The following SNAP91 variants were observed in gnomAD, a reference collection of about 807,000 sequenced individuals.
SNAP91 encodes the protein synaptosome associated protein 91.
Under a neutral mutation model 100.3 loss-of-function variants are expected in SNAP91, and 27 were observed. The observed-to-expected ratio is 0.27, with a 90% CI of 0.20 to 0.37. The LOEUF (loss-of-function observed/expected upper bound fraction) is 0.37. Ranked by LOEUF, SNAP91 falls within the 10% of genes least tolerant of loss-of-function variation. The pLI is 1.00. For synonymous variants in SNAP91, 404 were observed against 398.6 expected, an observed-to-expected ratio of 1.01 and a Z score of -0.16; for missense variants, 986 against 1,123.7, an observed-to-expected ratio of 0.88 and a Z score of 1.75.
intron 18 of SNAP91, 23 bp downstream of exon 18, chr6:83,593,455 C>T (rs1162348078): frequency 7.1e-6 from 11 of 1,547,640 alleles, no homozygotes; most frequent in East Asian, 2.4e-5. Context: ...GGAAAGAGGT[C>T]GACAACAATA....
rs371319163 is a variant in SNAP91 at position 83,556,143 on chromosome 6, C to T, written c.*10G>A. The T allele has an allele frequency of 6.6e-7, 1 of 1,523,648 alleles. No individual in the cohort carries two copies. The highest frequency in any genetic ancestry group is 8.9e-7 in the Non-Finnish European group (1 of 1,121,040). The allele number at this position is 1,523,648 out of a possible 1,614,324, so 94.4% of individuals were successfully genotyped here. ...ACAGGAAAAGCTCAATATTAGATAC[C>T]TTAAATTGTTTACAAGAAATCCTTG... On this transcript the variant is annotated splice_region_variant and 3_prime_UTR_variant, in exon 29 of 30. Coordinates refer to ENST00000369694, the MANE Select transcript of SNAP91 (RefSeq NM_001242792.2).
At chr6:83,698,414 C>T (rs965275713) in intron 2 of SNAP91, among the ~76,000 whole-genome samples, 1 of 151,594 alleles carries the variant, frequency 6.6e-6, no homozygotes, top group Non-Finnish European at 1.5e-5. Context: ...ATGTGTTAAT[C>T]TAAGTGGCTT....
intron 25 of SNAP91, among the ~76,000 whole-genome samples, chr6:83,575,783 T>C (rs1817696297): frequency 6.6e-6 from 1 of 152,230 alleles, no homozygotes; most frequent in Non-Finnish European, 1.5e-5. Context: ...TTTCTAGATA[T>C]AACTTAGTGA....
At chr6:83,693,590 G>C (rs989649534) in intron 2 of SNAP91, among the ~76,000 whole-genome samples, 1 of 152,158 alleles carries the variant, frequency 6.6e-6, no homozygotes, top group Non-Finnish European at 1.5e-5. Context: ...CGCGATGCTG[G>C]AAGAAAGTTT....
chr6:83,618,054 T>C (rs2096570979), intron 9 of SNAP91, among the ~76,000 whole-genome samples: 2 of 151,922 alleles, frequency 1.3e-5, no homozygotes, highest in South Asian at 4.1e-4. Context: ...TTCATATAAC[T>C]GTATCTTTTA....
intron 2 of SNAP91, among the ~76,000 whole-genome samples, chr6:83,696,844 G>C (rs927230832): frequency 6.6e-6 from 1 of 151,976 alleles, no homozygotes; most frequent in Non-Finnish European, 1.5e-5. Context: ...TGCATATCTT[G>C]TTCACCATGG....
intron 7 of SNAP91, among the ~76,000 whole-genome samples, chr6:83,651,668 C>G (rs1179003173): frequency 1.3e-5 from 2 of 152,046 alleles, no homozygotes; most frequent in African/African-American, 4.8e-5. Flanking sequence ...ATTGTGGTCT[C>G]TACTGGTGAA....
chr6:83,580,389 A>G, intron 24 of SNAP91, 61 bp downstream of exon 24: 1 of 1,500,842 alleles, frequency 6.7e-7, no homozygotes, highest in Non-Finnish European at 9.0e-7. Context: ...GAGAGAGAGA[A>G]ACAAAAAACA....
intron 12 of SNAP91, among the ~76,000 whole-genome samples, chr6:83,609,343 C>T (rs2095845194): frequency 6.6e-6 from 1 of 152,120 alleles, no homozygotes; most frequent in Non-Finnish European, 1.5e-5. Flanking sequence ...ACTCAGCAGT[C>T]ATATATTGGA....
intron 6 of SNAP91, among the ~76,000 whole-genome samples, chr6:83,657,354 A>G (rs2098434388): frequency 6.6e-6 from 1 of 152,132 alleles, no homozygotes; most frequent in South Asian, 2.1e-4. Flanking sequence ...TCTAATCATC[A>G]ACACAAAGGC....
At chr6:83,692,514 CA>C (rs11465130) in intron 2 of SNAP91, among the ~76,000 whole-genome samples, 5 of 148,506 alleles carry the variant, frequency 3.4e-5, no homozygotes, top group Admixed American at 6.7e-5. Flanking sequence ...GACTCTGTCT[CA>C]AAAAAAAAAA....
rs565730778 is a variant in SNAP91 at position 83,565,954 on chromosome 6, G to C, written c.2443-5007C>G. 3.3e-5 allele frequency among the ~76,000 whole-genome samples: 5 copies of C among 152,034 alleles called. 1 individual carries two copies. Among genetic ancestry groups the C allele is most frequent in the Admixed American group, 2.6e-4 (4 of 15,266 alleles). ...CACATGACCCAGAGTTCTATTCCTA[G>C]GTATATTCCAAATAGAACTGAGGAT... is the stretch of plus-strand genomic sequence containing the variant. On this transcript the variant is annotated intron_variant, in intron 26 of 29. Transcript: ENST00000369694.
intron 8 of SNAP91, among the ~76,000 whole-genome samples, chr6:83,639,257 G>C (rs1243154790): frequency 4.6e-5 from 7 of 152,108 alleles, no homozygotes; most frequent in Admixed American, 1.3e-4. Context: ...CTATACAGTA[G>C]AGAGAGATTT....
At position 83,583,279 on chromosome 6, in the gene SNAP91, A is replaced by T. The variant is rs1001794506; in HGVS notation, c.2015-923T>A. 2.6e-5 allele frequency among the ~76,000 whole-genome samples: 4 copies of T among 151,874 alleles called. No homozygotes were observed. The East Asian group carries it at 7.7e-4, about 29-fold the overall frequency. ...ACTCTCATTACATGTATCTATCCCC[A>T]CTGCCCCGACTCCAACCCCAGATGG... is the stretch of plus-strand genomic sequence containing the variant. On this transcript the variant is annotated intron_variant, in intron 22 of 29. Transcript: ENST00000369694.
chr6:83,594,275 G>C lies in SNAP91; in HGVS notation c.1432+99C>G, dbSNP rs2094201429. 11 of 892,310 alleles carry C rather than the reference G, an allele frequency of 1.2e-5. No individual in the cohort carries two copies. The South Asian group carries it at 1.5e-4, about 12-fold the overall frequency. The allele number at this position is 892,310 out of a possible 1,614,324, so 55.3% of individuals were successfully genotyped here. The stretch of plus-strand genomic sequence containing the variant: ...TATGATGAATGATACTTTACACTCA[G>C]AAGAAAGTAAAATTAGAAAAACATA... On this transcript the variant is annotated intron_variant, in intron 17 of 29. Coordinates refer to ENST00000369694, the MANE Select transcript of SNAP91 (RefSeq NM_001242792.2).
chr6:83,708,605 C>T (rs1163926099), intron 1 of SNAP91: 1 of 152,188 alleles, frequency 6.6e-6, no homozygotes, highest in Non-Finnish European at 1.5e-5. Flanking sequence ...GGTTCCAAAT[C>T]CCTGCCGCAG....
At chr6:83,576,800 C>T (rs1283437484) in intron 24 of SNAP91, among the ~76,000 whole-genome samples, 1 of 152,168 alleles carries the variant, frequency 6.6e-6, no homozygotes, top group African/African-American at 2.4e-5. Context: ...CTCTGTGAAT[C>T]CCTTGACATA....
intron 2 of SNAP91, among the ~76,000 whole-genome samples, chr6:83,693,202 C>A (rs1178174999): frequency 6.6e-6 from 1 of 152,164 alleles, no homozygotes; most frequent in Non-Finnish European, 1.5e-5. Flanking sequence ...CCTCATTAGG[C>A]GTGGGACCTT....
At position 83,580,520 on chromosome 6, in the gene SNAP91, G is replaced by C; in HGVS notation, c.2229C>G (p.Pro743=). 1 of 1,613,892 alleles carries C rather than the reference G, an allele frequency of 6.2e-7. No homozygotes were observed. The highest frequency in any genetic ancestry group is 8.5e-7 in the Non-Finnish European group (1 of 1,179,820). Residue 743 remains proline, a synonymous_variant, in exon 24 of 30, where the codon CCC becomes CCG. Transcript: ENST00000369694. ...GQPAPVSMVP[P]SPAMAASKAL... The stretch of plus-strand genomic sequence containing the variant: ...CTTTGCTGGCTGCCATTGCAGGACT[G>C]GGTGGTACCATTGAGACAGGTGCAG...
Sources: allele counts gnomAD v4.1 joint callset (sites outside exome capture counted in the v4.1 genomes callset), GRCh38; gene constraint gnomAD v4.1.1; transcripts MANE v1.5; gene names NCBI Gene and HGNC (gene_info 2026-07-23, HGNC 2026-07-21).